CACHD1: variants seen among roughly 807,000 people sequenced by gnomAD.
CACHD1 encodes VWFA and cache domain-containing protein 1.
A neutral mutation model predicts 138.7 loss-of-function variants in CACHD1; 71 were observed. The observed-to-expected ratio is 0.51, with a 90% CI of 0.42 to 0.62. CACHD1 has a LOEUF of 0.62. CACHD1 is among the 20% of genes least tolerant of loss of function. The probability of loss-of-function intolerance (pLI) is 0.00; values close to 1 mark genes in which losing one functional copy is unlikely to be tolerated. For synonymous variants in CACHD1, 578 were observed against 591.5 expected (o/e 0.98, Z 0.33); for missense variants, 1,389 against 1,625.3 (o/e 0.85, Z 2.50).
At chr1:64,474,219 A>G (rs1303593748) in intron 1 of CACHD1, among the ~76,000 whole-genome samples, 1 of 152,148 alleles carries the variant, frequency 6.6e-6, no homozygotes, top group African/African-American at 2.4e-5. Context: ...TCATCTCCTC[A>G]TGGGTCTGGT....
chr1:64,615,838 C>T (rs914423361), intron 4 of CACHD1, among the ~76,000 whole-genome samples: 1 of 152,156 alleles, frequency 6.6e-6, no homozygotes, highest in Non-Finnish European at 1.5e-5. Flanking sequence ...ATGATGAGCC[C>T]AGACACACAA....
intron 1 of CACHD1, among the ~76,000 whole-genome samples, chr1:64,528,358 T>C (rs1008862687): frequency 6.6e-6 from 1 of 152,200 alleles, no homozygotes; most frequent in Non-Finnish European, 1.5e-5. Flanking sequence ...AAATTAAATA[T>C]GAATGAGTTT....
At chr1:64,567,049 A>G (rs1453287626) in intron 2 of CACHD1, among the ~76,000 whole-genome samples, 1 of 152,168 alleles carries the variant, frequency 6.6e-6, no homozygotes, top group East Asian at 1.9e-4. Flanking sequence ...AATAGTTCAC[A>G]CTGTAGTGCT....
chr1:64,542,190 G>A (rs1457882840), intron 1 of CACHD1, among the ~76,000 whole-genome samples: 2 of 152,180 alleles, frequency 1.3e-5, no homozygotes, highest in Non-Finnish European at 2.9e-5. Flanking sequence ...CACTATATAA[G>A]CATTAGCTAT....
At chr1:64,564,372 C>G (rs1437809689) in intron 2 of CACHD1, among the ~76,000 whole-genome samples, 2 of 152,098 alleles carry the variant, frequency 1.3e-5, no homozygotes, top group Non-Finnish European at 2.9e-5. Flanking sequence ...CCTCCCATAA[C>G]TTGTGTCGCC....
intron 1 of CACHD1, among the ~76,000 whole-genome samples, chr1:64,508,939 A>C (rs533222727): frequency 6.6e-6 from 1 of 151,974 alleles, no homozygotes; most frequent in Non-Finnish European, 1.5e-5. Flanking sequence ...CCCCACCCCC[A>C]GGGTTCTTCT....
At chr1:64,668,004 A>G (rs1369852591) in intron 16 of CACHD1, among the ~76,000 whole-genome samples, 1 of 152,218 alleles carries the variant, frequency 6.6e-6, no homozygotes, top group East Asian at 1.9e-4. Context: ...GTGAATCACA[A>G]TGGAAATATG....
At chr1:64,506,732 C>G (rs990018796) in intron 1 of CACHD1, among the ~76,000 whole-genome samples, 4 of 152,124 alleles carry the variant, frequency 2.6e-5, no homozygotes, top group Admixed American at 6.5e-5. Flanking sequence ...TGTTCTTGCC[C>G]GTTACTTACT....
chr1:64,674,569 A>G (rs775417918), intron 19 of CACHD1, among the ~76,000 whole-genome samples: 4 of 152,180 alleles, frequency 2.6e-5, no homozygotes, highest in Non-Finnish European at 4.4e-5. Flanking sequence ...GTTACTGCTT[A>G]TGTTCTAGAG....
chr1:64,667,759 C>A (rs1416256943), intron 16 of CACHD1, among the ~76,000 whole-genome samples: 1 of 152,186 alleles, frequency 6.6e-6, no homozygotes, highest in Non-Finnish European at 1.5e-5. Context: ...TGCAGGGAAT[C>A]AAAACCCAGG....
At chr1:64,663,958 G>A (rs1397164353) in intron 14 of CACHD1, 121 bp downstream of exon 14, 8 of 1,309,240 alleles carry the variant, frequency 6.1e-6, no homozygotes, top group Non-Finnish European at 8.4e-6. Context: ...CAGCTGGAGA[G>A]CTGCAGAGTG....
intron 1 of CACHD1, among the ~76,000 whole-genome samples, chr1:64,501,069 CAGAG>C (rs1646337283): frequency 6.7e-6 from 1 of 150,320 alleles, no homozygotes. Context: ...AAAGGAGAGA[CAGAG>C]AGAAAATTAA....
chr1:64,575,846 A>G (rs1349292685), intron 2 of CACHD1, among the ~76,000 whole-genome samples: 1 of 152,102 alleles, frequency 6.6e-6, no homozygotes, highest in Non-Finnish European at 1.5e-5. Context: ...CCCACCCCCA[A>G]TCTTCTGAAG....
At chr1:64,632,350 CTT>C (rs912533672) in intron 5 of CACHD1, among the ~76,000 whole-genome samples, 5 of 151,546 alleles carry the variant, frequency 3.3e-5, no homozygotes, top group African/African-American at 7.3e-5. Flanking sequence ...AAAAACTTCT[CTT>C]GTCTGCTTTG....
Position 64,684,240 on chromosome 1 carries a change from C to T in CACHD1, c.3586+2134C>T, listed in dbSNP as rs115797791. ...AAAGGTGCGATCTCAGCTCACTGCA[C>T]TTCAAAACTGTATCATTCCTTACAT... On this transcript the variant is annotated intron_variant, in intron 26 of 26. Transcript: ENST00000651257. Among the ~76,000 whole-genome samples, 1,273 of 152,006 alleles carry T rather than the reference C, an allele frequency of 8.4e-3. 19 individuals are homozygous for T. Among genetic ancestry groups the T allele is most frequent in the African/African-American group, 0.029 (1,194 of 41,448 alleles).
At chr1:64,639,639 G>A (rs1165887289) in intron 7 of CACHD1, among the ~76,000 whole-genome samples, 2 of 152,160 alleles carry the variant, frequency 1.3e-5, no homozygotes, top group African/African-American at 4.8e-5. Flanking sequence ...TATATTATAA[G>A]TTAACTGTTA....
chr1:64,681,920 A>G, intron 25 of CACHD1, 85 bp from the exon 26 acceptor site: 2 of 1,145,882 alleles, frequency 1.7e-6, no homozygotes, highest in South Asian at 2.5e-5. Flanking sequence ...CCCAGCATGT[A>G]AATGAGCCCT....
chr1:64,601,823 T>A (rs1252514870), intron 3 of CACHD1, among the ~76,000 whole-genome samples: 2 of 152,194 alleles, frequency 1.3e-5, no homozygotes, highest in South Asian at 2.1e-4. Flanking sequence ...TTAACACAAA[T>A]TTTTTTAAAA....
intron 1 of CACHD1, among the ~76,000 whole-genome samples, chr1:64,502,526 CTG>C (rs575452081): frequency 1.9e-3 from 294 of 152,114 alleles, no homozygotes; most frequent in African/African-American, 6.8e-3. Context: ...TTCCCTCTCT[CTG>C]TGTGTGTATG....
Sources: gnomAD v4.1 joint callset for allele counts (sites outside exome capture counted in the v4.1 genomes callset) on GRCh38, gnomAD v4.1.1 for gene constraint, MANE v1.5 for transcripts, NCBI Gene and HGNC (gene_info 2026-07-23, HGNC 2026-07-21) for gene names.